The following ASXL3 variants were observed in gnomAD, a reference collection of about 807,000 sequenced individuals.
The protein encoded by ASXL3 is putative Polycomb group protein ASXL3.
ASXL3 carries 34 observed loss-of-function variants against 170.6 expected under a neutral mutation model. That is an observed-to-expected ratio of 0.20 (90% CI 0.15 to 0.27). The LOEUF (loss-of-function observed/expected upper bound fraction) is 0.27, where lower values mean the gene tolerates loss of function less well. Ranked by LOEUF, ASXL3 falls within the 10% of genes least tolerant of loss-of-function variation. ASXL3 has a pLI of 1.00. For missense variants in ASXL3, 2,592 were observed against 2,695.3 expected (o/e 0.96, Z 0.85); for synonymous variants, 1,002 against 989.1 (o/e 1.01, Z -0.24).
intron 10 of ASXL3, among the ~76,000 whole-genome samples, chr18:33,735,768 C>CTTAA (rs534670228): frequency 6.0e-4 from 90 of 151,202 alleles, no homozygotes; most frequent in Admixed American, 1.6e-3. Flanking sequence ...AGCATTGGTT[C>CTTAA]TTAATTTTTT....
intron 8 of ASXL3, among the ~76,000 whole-genome samples, chr18:33,706,735 T>C: frequency 6.6e-6 from 1 of 151,802 alleles, no homozygotes; most frequent in Non-Finnish European, 1.5e-5. Context: ...ATAAGTCCTT[T>C]GTCAAATATA....
intron 2 of ASXL3, among the ~76,000 whole-genome samples, chr18:33,644,503 T>A: frequency 6.6e-6 from 1 of 150,898 alleles, no homozygotes; most frequent in East Asian, 1.9e-4. Flanking sequence ...ATCATTCAAG[T>A]GCAACCATCA....
chr18:33,721,014 T>A (rs2067249005), intron 8 of ASXL3, among the ~76,000 whole-genome samples: 3 of 152,110 alleles, frequency 2.0e-5, no homozygotes, highest in Non-Finnish European at 4.4e-5. Flanking sequence ...TCTCCTTGTT[T>A]CATTTGCTTT....
Position 33,738,540 on chromosome 18 carries a change from C to G in ASXL3, c.1136C>G (p.Ala379Gly). The G allele has an allele frequency of 6.2e-7, 1 of 1,613,766 alleles. No homozygotes were observed. The change falls in exon 11 of 12, where the codon GCT becomes GGT. Residue 379 changes from alanine to glycine, a missense_variant. By Grantham distance (60) the Ala-to-Gly change is moderately conservative (BLOSUM62 0). This residue lies in a region of ASXL3 where 2,246 missense variants were observed against 2,219.6 expected (regional missense o/e 1.01). Transcript: ENST00000269197. ...AAGCTCACTACTGGACCAAACAACG[C>G]TGGAGCTCAAAGTAGTTCTTCATGT... ...SVKLTTGPNN[A>G]GAQSSSSCGT...
At chr18:33,602,606 G>A (rs1166832573) in intron 1 of ASXL3, among the ~76,000 whole-genome samples, 2 of 152,136 alleles carry the variant, frequency 1.3e-5, no homozygotes, top group Non-Finnish European at 2.9e-5. Context: ...AAAGCCCCCA[G>A]AGAGGACTTA....
At chr18:33,623,779 T>C (rs1477039931) in intron 2 of ASXL3, among the ~76,000 whole-genome samples, 1 of 152,208 alleles carries the variant, frequency 6.6e-6, no homozygotes, top group Non-Finnish European at 1.5e-5. Context: ...GTCTAGTTAG[T>C]GTTCTTTATT....
Position 33,740,032 on chromosome 18 carries a change from G to A in ASXL3, c.2628G>A (p.Val876=). The part of the protein sequence containing the change: ...HSVLQRTEKK[V]LPSPLELSVF... ...TCCTGCAAAGAACAGAAAAAAAAGTGTTACCTTCACCATTGGAATTATCTG... is the reference window on the plus strand; with the variant it reads ...TCCTGCAAAGAACAGAAAAAAAAGTATTACCTTCACCATTGGAATTATCTG... Residue 876 remains valine, a synonymous_variant, in exon 11 of 12, where the codon GTG becomes GTA. Transcript: ENST00000269197. 2 of 1,613,804 alleles carry A rather than the reference G, an allele frequency of 1.2e-6. No individual in the cohort carries two copies. Among genetic ancestry groups the A allele is most frequent in the East Asian group, 2.2e-5 (1 of 44,878 alleles).
intron 5 of ASXL3, among the ~76,000 whole-genome samples, chr18:33,668,275 A>T (rs1450354258): frequency 6.6e-6 from 1 of 152,062 alleles, no homozygotes; most frequent in Non-Finnish European, 1.5e-5. Context: ...AAAACAAAAA[A>T]ATATTAGCCA....
At chr18:33,600,413 T>C (rs2065172074) in intron 1 of ASXL3, among the ~76,000 whole-genome samples, 1 of 152,112 alleles carries the variant, frequency 6.6e-6, no homozygotes. Flanking sequence ...AATGTTTACT[T>C]GAAGTACTGA....
Position 33,740,375 on chromosome 18 carries a change from A to C in ASXL3, c.2971A>C (p.Ile991Leu). The change falls in exon 11 of 12, where the codon ATA (isoleucine) becomes CTA (leucine). Residue 991 changes from isoleucine (I) to leucine (L), a missense_variant. Around this residue, in one of 4 missense-constraint regions of ASXL3, gnomAD observed 2,246 missense variants for 2,219.6 expected, o/e 1.01. Coordinates refer to ENST00000269197, the MANE Select transcript of ASXL3 (RefSeq NM_030632.3). ...RIEDDQSTRN[I>L]SSSSPPEKEQ... ...AGAAGATGATCAGTCAACCCGGAAC[A>C]TATCATCTAGCAGCCCACCTGAGAA... is the stretch of plus-strand genomic sequence containing the variant. The C allele has an allele frequency of 6.2e-7, 1 of 1,608,502 alleles. No individual in the cohort carries two copies.
At chr18:33,594,630 C>G (rs2065109053) in intron 1 of ASXL3, among the ~76,000 whole-genome samples, 1 of 151,974 alleles carries the variant, frequency 6.6e-6, no homozygotes, top group Non-Finnish European at 1.5e-5. Context: ...GAAACAAGAC[C>G]AGAAATGAGG....
intron 8 of ASXL3, among the ~76,000 whole-genome samples, chr18:33,691,079 G>A (rs998403974): frequency 6.6e-6 from 1 of 152,180 alleles, no homozygotes; most frequent in Non-Finnish European, 1.5e-5. Context: ...TCAGAAGAGG[G>A]AAGAGAAGGC....
At chr18:33,672,779 A>G (rs2066364790) in intron 7 of ASXL3, among the ~76,000 whole-genome samples, 1 of 152,166 alleles carries the variant, frequency 6.6e-6, no homozygotes, top group Non-Finnish European at 1.5e-5. Flanking sequence ...TCAAGATTTT[A>G]TCTGATTTTT....
rs868410938 is a variant in ASXL3 at position 33,746,450 on chromosome 18, C to T, written c.6602C>T (p.Ala2201Val). ...GCTCAGATGCCCGTTCAGAACTTTG[C>T]CGACAGCAGCAATGCAGATGAATTG... ...QNAQMPVQNF[A>V]DSSNADELEL... Residue 2201 changes from alanine (A) to valine (V), a missense_variant, in exon 12 of 12, where the codon GCC becomes GTC. By Grantham distance (64) the Ala-to-Val change is moderately conservative. Around this residue, in one of 4 missense-constraint regions of ASXL3, gnomAD observed 2,246 missense variants for 2,219.6 expected, o/e 1.01. Coordinates refer to ENST00000269197, the MANE Select transcript of ASXL3 (RefSeq NM_030632.3). 1 of 1,613,934 alleles carries T rather than the reference C, an allele frequency of 6.2e-7. No homozygotes were observed. The highest frequency in any genetic ancestry group is 1.3e-5 in the African/African-American group (1 of 74,952).
chr18:33,663,214 A>G (rs932972171), intron 5 of ASXL3, among the ~76,000 whole-genome samples: 1 of 152,188 alleles, frequency 6.6e-6, no homozygotes, highest in African/African-American at 2.4e-5. Context: ...GATGCAGGTA[A>G]TAAAATACTA....
intron 1 of ASXL3, among the ~76,000 whole-genome samples, chr18:33,595,237 AT>A (rs1422948739): frequency 6.6e-6 from 1 of 152,080 alleles, no homozygotes. Context: ...TAAAATGTTT[AT>A]TTTTTTAGAT....
intron 8 of ASXL3, among the ~76,000 whole-genome samples, chr18:33,693,151 C>T (rs1479235684): frequency 6.6e-6 from 1 of 152,126 alleles, no homozygotes; most frequent in Non-Finnish European, 1.5e-5. Flanking sequence ...TGGAAGTAGT[C>T]ATCCAAAACT....
rs2065910020 is a variant in ASXL3 at position 33,646,136 on chromosome 18, T to C, written c.247-109T>C. On this transcript the variant is annotated intron_variant, in intron 3 of 11. Coordinates refer to ENST00000269197, the MANE Select transcript of ASXL3 (RefSeq NM_030632.3). ...ATTAAAAAGTAAATCATTATTGAAATGTTAAGTCACAAATAACTGATCATA... is the reference window on the plus strand; with the variant it reads ...ATTAAAAAGTAAATCATTATTGAAACGTTAAGTCACAAATAACTGATCATA... 5.5e-6 allele frequency: 4 copies of C among 722,208 alleles called. No individual in the cohort carries two copies. In the South Asian group the frequency reaches 8.4e-5, roughly 15 times the overall value. 44.7% of individuals were successfully genotyped at this position (722,208 alleles called of 1,614,324 possible).
At chr18:33,634,629 A>T (rs2065737524) in intron 2 of ASXL3, among the ~76,000 whole-genome samples, 1 of 152,152 alleles carries the variant, frequency 6.6e-6, no homozygotes, top group African/African-American at 2.4e-5. Flanking sequence ...CAGTTTTTTT[A>T]AAAACTGGAT....
Sources: allele counts gnomAD v4.1 joint callset (sites outside exome capture counted in the v4.1 genomes callset), GRCh38; gene constraint gnomAD v4.1.1; regional missense constraint gnomAD v4.1.1; transcripts MANE v1.5; gene names NCBI Gene and HGNC (gene_info 2026-07-23, HGNC 2026-07-21).